Variants in ACSL1 observed in about 807,000 individuals in gnomAD.
The protein encoded by ACSL1 is long-chain-fatty-acid--CoA ligase 1.
Under a neutral mutation model 98.4 loss-of-function variants are expected in ACSL1, and 41 were observed. That is an observed-to-expected ratio of 0.42 (90% CI 0.32 to 0.54). ACSL1 has a LOEUF of 0.54. Ranked by LOEUF, ACSL1 falls within the 20% of genes least tolerant of loss-of-function variation. The pLI is 0.13. For missense variants in ACSL1, 734 were observed against 883.1 expected (o/e 0.83, Z 2.14); for synonymous variants, 316 against 322.7 (o/e 0.98, Z 0.22).
At position 184,786,436 on chromosome 4, in the gene ACSL1, A is replaced by G. The variant is rs927980777; in HGVS notation, c.310+2181T>C. Among the ~76,000 whole-genome samples the G allele has an allele frequency of 1.0e-4, 15 of 145,596 alleles. No homozygotes were observed. The East Asian group carries it at 1.4e-3, about 13-fold the overall frequency. ...TGGCAAAGCACACACACACACACAC[A>G]CACACACACACACACACACACACTG... On this transcript the variant is annotated intron_variant, in intron 3 of 20. Coordinates refer to ENST00000281455, the MANE Select transcript of ACSL1 (RefSeq NM_001995.5).
chr4:184,784,240 T>C (rs73012210), intron 3 of ACSL1, among the ~76,000 whole-genome samples: 2,326 of 152,214 alleles, frequency 0.015, 55 homozygotes, highest in African/African-American at 0.053. Flanking sequence ...AAAGGCAATA[T>C]CCAACTCTTA....
chr4:184,790,928 C>T (rs1487017960), intron 2 of ACSL1, among the ~76,000 whole-genome samples: 2 of 152,100 alleles, frequency 1.3e-5, no homozygotes, highest in African/African-American at 4.8e-5. Flanking sequence ...ACCAAACACA[C>T]CGAAGGCACC....
intron 1 of ACSL1, among the ~76,000 whole-genome samples, chr4:184,809,497 T>A (rs1439123115): frequency 1.3e-5 from 2 of 152,206 alleles, no homozygotes; most frequent in Non-Finnish European, 2.9e-5. Flanking sequence ...CTGTTTTAAA[T>A]TCACATTTCA....
At chr4:184,800,786 C>A (rs1770365583) in intron 2 of ACSL1, among the ~76,000 whole-genome samples, 1 of 152,228 alleles carries the variant, frequency 6.6e-6, no homozygotes, top group Admixed American at 6.5e-5. Flanking sequence ...GCTTGTCTGT[C>A]CTGTTCTCTA....
intron 3 of ACSL1, among the ~76,000 whole-genome samples, chr4:184,785,083 A>G (rs1561208735): frequency 6.6e-6 from 1 of 152,230 alleles, no homozygotes; most frequent in East Asian, 1.9e-4. Context: ...AGACACAGTG[A>G]TAGTGGCACA....
chr4:184,766,054 G>T lies in ACSL1; in HGVS notation c.1264-68C>A. The T allele has an allele frequency of 6.6e-7, 1 of 1,507,882 alleles. No homozygotes were observed. Among genetic ancestry groups the T allele is most frequent in the South Asian group, 1.2e-5 (1 of 85,750 alleles). The allele number at this position is 1,507,882 out of a possible 1,614,324, so 93.4% of individuals were successfully genotyped here. On this transcript the variant is annotated intron_variant, in intron 13 of 20. Coordinates refer to ENST00000281455, the MANE Select transcript of ACSL1 (RefSeq NM_001995.5). This position sits in a 1 kb window ranked among gnomAD's most constrained non-coding sequence, Gnocchi z 4.8. ...TGGAAGTCGGCGGCCTCTCCGCCAA[G>T]GGGGCCTGCTTGGGACCCCGTTCCC...
chr4:184,824,174 G>A (rs892781897), intron 1 of ACSL1, among the ~76,000 whole-genome samples: 1 of 152,208 alleles, frequency 6.6e-6, no homozygotes, highest in South Asian at 2.1e-4. Flanking sequence ...TGCCCAGTCT[G>A]GAGTGCAGTG....
Position 184,773,722 on chromosome 4 carries a change from T to C in ACSL1, c.790-8A>G, listed in dbSNP as rs1343350232. Reference sequence around the variant, plus strand: ...ATCTTCAGGTGCTGGAGGCTAAAGATTAAAAAAAAAAAAAGCTGGTATAAA... The same window carrying C: ...ATCTTCAGGTGCTGGAGGCTAAAGACTAAAAAAAAAAAAAGCTGGTATAAA... On this transcript the variant is annotated splice_region_variant and splice_polypyrimidine_tract_variant and intron_variant, in intron 8 of 20. Transcript: ENST00000281455. This position sits in a 1 kb window ranked among gnomAD's most constrained non-coding sequence, Gnocchi z 4.3. The C allele has an allele frequency of 6.3e-7, 1 of 1,588,872 alleles. No individual in the cohort carries two copies. The highest frequency in any genetic ancestry group is 1.1e-5 in the South Asian group (1 of 87,562).
At chr4:184,763,297 C>T in intron 15 of ACSL1, 42 bp from the exon 16 acceptor site, 44 of 1,557,042 alleles carry the variant, frequency 2.8e-5, no homozygotes, top group Non-Finnish European at 3.9e-5. Context: ...AAGGGAACTA[C>T]TCATAACCTC....
At chr4:184,794,360 A>T (rs930287554) in intron 2 of ACSL1, among the ~76,000 whole-genome samples, 2 of 152,116 alleles carry the variant, frequency 1.3e-5, no homozygotes, top group Non-Finnish European at 2.9e-5. Context: ...CTAAATGACA[A>T]TGGACAGATA....
intron 5 of ACSL1, among the ~76,000 whole-genome samples, chr4:184,778,142 G>T (rs1765602769): frequency 6.6e-6 from 1 of 152,214 alleles, no homozygotes; most frequent in Admixed American, 6.5e-5. Context: ...CATAGCCACT[G>T]CCCTACCTAC....
chr4:184,791,703 A>C (rs1032872626), intron 2 of ACSL1, among the ~76,000 whole-genome samples: 1 of 152,176 alleles, frequency 6.6e-6, no homozygotes, highest in Non-Finnish European at 1.5e-5. Flanking sequence ...GAGACTGGGG[A>C]GAAACCAACT....
intron 2 of ACSL1, chr4:184,799,064 G>C (rs1451685894): frequency 1.3e-5 from 2 of 151,898 alleles, no homozygotes; most frequent in East Asian, 3.9e-4. Flanking sequence ...GAGTCACTCA[G>C]GTTTTCACAG....
intron 11 of ACSL1, 120 bp downstream of exon 11, chr4:184,770,279 A>G (rs1764292606): frequency 1.3e-6 from 2 of 1,547,412 alleles, no homozygotes; most frequent in Admixed American, 3.9e-5. Context: ...CATAAATGTG[A>G]GCAAGTGGTA....
intron 1 of ACSL1, among the ~76,000 whole-genome samples, chr4:184,819,690 T>A (rs1265442824): frequency 6.6e-6 from 1 of 151,868 alleles, no homozygotes; most frequent in African/African-American, 2.4e-5. Context: ...AGATAGCAGG[T>A]AGGAAGCAAG....
At chr4:184,783,876 G>C (rs752453111) in intron 4 of ACSL1, 51 bp downstream of exon 4, 2 of 1,521,242 alleles carry the variant, frequency 1.3e-6, no homozygotes, top group Non-Finnish European at 1.8e-6. Flanking sequence ...ACATACAGAA[G>C]CACCCCTGCT....
In ACSL1 at chr4:184,773,956, C is replaced by T. The variant is rs575214481; in HGVS notation, c.757-81G>A. On this transcript the variant is annotated intron_variant, in intron 7 of 20. Transcript: ENST00000281455. The surrounding 1 kb of genome is among the most constrained non-coding windows in gnomAD (Gnocchi z 4.3). ...TAAGGTCACATCGAGTCACTTAAAG[C>T]TGGCTTTACTGTGGGGTTCATTCAC... The T allele has an allele frequency of 6.6e-7, 1 of 1,512,392 alleles. No homozygotes were observed. The highest frequency in any genetic ancestry group is 1.2e-5 in the South Asian group (1 of 86,920). 93.7% of individuals were successfully genotyped at this position (1,512,392 alleles called of 1,614,324 possible). A position where few individuals can be genotyped will look rare whatever the true frequency, so the allele number is the denominator to read the frequency against.
At chr4:184,798,133 G>A (rs1253337235) in intron 2 of ACSL1, among the ~76,000 whole-genome samples, 1 of 152,196 alleles carries the variant, frequency 6.6e-6, no homozygotes, top group Non-Finnish European at 1.5e-5. Flanking sequence ...AACTGGTTCT[G>A]TGTATTGTAA....
intron 1 of ACSL1, among the ~76,000 whole-genome samples, chr4:184,823,452 A>C (rs1773222570): frequency 6.6e-6 from 1 of 152,198 alleles, no homozygotes. Flanking sequence ...TGATCTTAAA[A>C]ACTAAACATT....
Sources: allele counts gnomAD v4.1 joint callset (sites outside exome capture counted in the v4.1 genomes callset), GRCh38; gene constraint gnomAD v4.1.1; non-coding constraint Gnocchi (gnomAD v3.1); transcripts MANE v1.5; gene names NCBI Gene and HGNC (gene_info 2026-07-23, HGNC 2026-07-21).